SLC25A29: variants seen among roughly 807,000 people sequenced by gnomAD.
SLC25A29 encodes the protein solute carrier family 25 member 29.
A neutral mutation model predicts 10.0 loss-of-function variants in SLC25A29; 13 were observed. The observed-to-expected ratio is 1.30, with a 90% CI of 0.85 to 2.07. The LOEUF is 2.07. Among genes scored for constraint, SLC25A29 ranks in the 30% most tolerant of loss-of-function variants. SLC25A29 has a pLI of 0.00. For missense variants in SLC25A29, 475 were observed against 447.6 expected, an observed-to-expected ratio of 1.06 and a Z score of -0.55; for synonymous variants, 244 against 221.1, an observed-to-expected ratio of 1.10 and a Z score of -0.92.
chr14:100,299,356 C>G (rs1168023503), intron 1 of SLC25A29: 1 of 1,015,810 alleles, frequency 9.8e-7, no homozygotes, highest in African/African-American at 1.7e-5. Flanking sequence ...GACTCTGTCT[C>G]TGGGCCTCAC....
At position 100,292,128 on chromosome 14, in the gene SLC25A29, C is replaced by T. The variant is rs767663341; in HGVS notation, c.*155G>A. 2.0e-6 allele frequency: 2 copies of T among 994,672 alleles called. No homozygotes were observed. The highest frequency in any genetic ancestry group is 1.4e-5 in the South Asian group (1 of 71,984). 61.6% of individuals were successfully genotyped at this position (994,672 alleles called of 1,614,324 possible). ...ACACTGAGGCAAGTGCAGTTCTCGGCCAAAACTACCCAGCTGATCAGCAAA... is the reference window on the plus strand; with the variant it reads ...ACACTGAGGCAAGTGCAGTTCTCGGTCAAAACTACCCAGCTGATCAGCAAA... On this transcript the variant is annotated 3_prime_UTR_variant, in exon 4 of 4. Coordinates refer to ENST00000359232, the MANE Select transcript of SLC25A29 (RefSeq NM_001039355.3).
At chr14:100,297,499 G>A (rs948130959) in intron 2 of SLC25A29, among the ~76,000 whole-genome samples, 1 of 152,216 alleles carries the variant, frequency 6.6e-6, no homozygotes, top group Non-Finnish European at 1.5e-5. Flanking sequence ...TCTTGGCTGC[G>A]AGAGGCGTTC....
intron 2 of SLC25A29, 46 bp downstream of exon 2, chr14:100,298,795 CT>C (rs1339317847): frequency 6.2e-7 from 1 of 1,613,538 alleles, no homozygotes; most frequent in Non-Finnish European, 8.5e-7. Context: ...CTGTGAGCCT[CT>C]CTCCAATGTA....
rs796139535 is a variant in SLC25A29, at chr14:100,292,797, C to G, written c.398G>C (p.Gly133Ala). The change falls in exon 4 of 4, where the codon GGC (glycine) becomes GCC (alanine). Residue 133 changes from glycine to alanine, a missense_variant. Gly to Ala is a moderately conservative substitution (Grantham distance 60). Transcript: ENST00000359232. ...QDAGPARTYK[G>A]SLDCLAQIYG... Reference sequence around the variant, plus strand: ...GATCTGCGCGAGGCAGTCCAGCGAGCCCTTGTAGGTGCGCGCTGGGCCCGC... The same window carrying G: ...GATCTGCGCGAGGCAGTCCAGCGAGGCCTTGTAGGTGCGCGCTGGGCCCGC... 1 of 1,594,826 alleles carries G rather than the reference C, an allele frequency of 6.3e-7. No homozygotes were observed.
Position 100,292,160 on chromosome 14 carries a change from C to G in SLC25A29, c.*123G>C. ...TACCCAGCTGATCAGCAAAATTCAG[C>G]CCACGTCTGATAGACTCCACAGCTC... is the stretch of plus-strand genomic sequence containing the variant. On this transcript the variant is annotated 3_prime_UTR_variant, in exon 4 of 4. Transcript: ENST00000359232. The G allele has an allele frequency of 7.5e-7, 1 of 1,328,678 alleles. No homozygotes were observed. The highest frequency in any genetic ancestry group is 1.0e-6 in the Non-Finnish European group (1 of 964,940). The allele number at this position is 1,328,678 out of a possible 1,614,324, so 82.3% of individuals were successfully genotyped here.
chr14:100,279,297 T>C, the SLC25A29 span: 2 of 152,240 alleles, frequency 1.3e-5, 1 homozygote, highest in Non-Finnish European at 2.9e-5. Context: ...CCGAGATTTA[T>C]TTACAAATGG....
chr14:100,306,143 C>A, intron 1 of SLC25A29, 56 bp downstream of exon 1: 11 of 1,321,682 alleles, frequency 8.3e-6, no homozygotes, highest in Non-Finnish European at 9.9e-6. Context: ...GCTGGTGGGC[C>A]GACCTCCCTC....
At position 100,298,848 on chromosome 14, in the gene SLC25A29, C is replaced by A. The variant is rs545355656; in HGVS notation, c.72G>T (p.Thr24=). ...AAGCAGCGATGAGACTCACCTTGAC[C>A]GTGTCAAACGGGTGTCCCACAAGCA... is the stretch of plus-strand genomic sequence containing the variant. The part of the protein sequence containing the change: ...AGVLVGHPFD[T]VKVRLQVQSV... The change falls in exon 2 of 4, where the codon ACG becomes ACT. Residue 24 remains threonine, a synonymous_variant. Coordinates refer to ENST00000359232, the MANE Select transcript of SLC25A29 (RefSeq NM_001039355.3). 1 of 1,614,082 alleles carries A rather than the reference C, an allele frequency of 6.2e-7. No homozygotes were observed. The highest frequency in any genetic ancestry group is 2.2e-5 in the East Asian group (1 of 44,896).
At chr14:100,295,875 CA>C in intron 2 of SLC25A29, 1 of 1,289,726 alleles carries the variant, frequency 7.8e-7, no homozygotes, top group African/African-American at 1.5e-5. Flanking sequence ...TCCAAGGAAG[CA>C]GGACAGAAAA....
intron 1 of SLC25A29, among the ~76,000 whole-genome samples, chr14:100,304,130 C>T (rs1299537325): frequency 6.6e-6 from 1 of 152,192 alleles, no homozygotes; most frequent in African/African-American, 2.4e-5. Flanking sequence ...CCCTCCCCAG[C>T]CACCAAGGAG....
rs8005212 is a variant in SLC25A29, at chr14:100,302,706, G to A, written c.34+3493C>T. Among the ~76,000 whole-genome samples, 232 of 151,860 alleles carry A rather than the reference G, an allele frequency of 1.5e-3. No individual in the cohort carries two copies. In the Middle Eastern group the frequency reaches 0.017, roughly 11 times the overall value. ...GGAACAGTATGAATGCTCTGGTTGA[G>A]AATCCTGGGCCCAGGCCAGCCTTGG... On this transcript the variant is annotated intron_variant, in intron 1 of 3. Transcript: ENST00000359232.
the SLC25A29 span, chr14:100,281,849 G>A: frequency 6.6e-6 from 1 of 152,194 alleles, no homozygotes; most frequent in Non-Finnish European, 1.5e-5. Context: ...GAGAGGGCTG[G>A]CCTCTGACCC....
chr14:100,286,534 G>A (rs1281480022), downstream of SLC25A29, among the ~76,000 whole-genome samples: 1 of 150,940 alleles, frequency 6.6e-6, no homozygotes, highest in African/African-American at 2.5e-5. Flanking sequence ...CCACGATCCT[G>A]GGGGAGGTCA....
downstream of SLC25A29, among the ~76,000 whole-genome samples, chr14:100,286,470 T>G (rs1453545339): frequency 2.5e-5 from 2 of 80,360 alleles, no homozygotes; most frequent in South Asian, 4.8e-4. Context: ...AGAGCATGGC[T>G]GGGGGGGGGG....
At chr14:100,302,663 A>G (rs537811989) in intron 1 of SLC25A29, among the ~76,000 whole-genome samples, 21 of 151,920 alleles carry the variant, frequency 1.4e-4, no homozygotes, top group Non-Finnish European at 8.8e-5. Context: ...CTCAAAATCT[A>G]TTTCTTAATC....
At chr14:100,299,213 A>T in intron 1 of SLC25A29, 1 of 1,191,758 alleles carries the variant, frequency 8.4e-7, no homozygotes, top group Admixed American at 4.3e-5. Flanking sequence ...TGCACACACT[A>T]TTTCTGGGAT....
intron 1 of SLC25A29, among the ~76,000 whole-genome samples, chr14:100,301,910 G>A (rs1892580945): frequency 6.6e-6 from 1 of 151,998 alleles, no homozygotes; most frequent in African/African-American, 2.4e-5. Flanking sequence ...CCCAGTAAGA[G>A]CTACCCGAAG....
At chr14:100,297,626 T>A (rs1208911316) in intron 2 of SLC25A29, among the ~76,000 whole-genome samples, 1 of 152,162 alleles carries the variant, frequency 6.6e-6, no homozygotes, top group Non-Finnish European at 1.5e-5. Flanking sequence ...CGCGTGGGCA[T>A]GGCTGGGGCC....
At chr14:100,294,280 TG>T (rs1340119592) in intron 2 of SLC25A29, 1 of 152,238 alleles carries the variant, frequency 6.6e-6, no homozygotes, top group Non-Finnish European at 1.5e-5. Context: ...CCTGGGGCGC[TG>T]GTCAGGCCCC....
Sources: allele counts gnomAD v4.1 joint callset (sites outside exome capture counted in the v4.1 genomes callset), GRCh38; gene constraint gnomAD v4.1.1; transcripts MANE v1.5; gene names NCBI Gene and HGNC (gene_info 2026-07-23, HGNC 2026-07-21).